Variants in KMT5A observed in about 807,000 individuals in gnomAD.
KMT5A encodes lysine methyltransferase 5A, also known as N-lysine methyltransferase KMT5A.
Under a neutral mutation model 40.6 loss-of-function variants are expected in KMT5A, and 6 were observed. The observed-to-expected ratio is 0.15, with a 90% confidence interval of 0.08 to 0.29. The LOEUF (loss-of-function observed/expected upper bound fraction) is 0.29, where lower values mean the gene tolerates loss of function less well. Ranked by LOEUF, KMT5A falls within the 10% of genes least tolerant of loss-of-function variation. KMT5A has a pLI of 1.00. For synonymous variants in KMT5A, 153 were observed against 178.8 expected (o/e 0.86, Z 1.15); for missense variants, 308 against 459.1 (o/e 0.67, Z 3.01).
intron 6 of KMT5A, 150 bp from the exon 7 acceptor site, chr12:123,404,734 T>G: frequency 1.4e-6 from 1 of 708,528 alleles, no homozygotes; most frequent in Non-Finnish European, 2.3e-6. Context: ...ATAAAACCCA[T>G]CAGCCTGTAC....
rs1011084200 is a variant in KMT5A at position 123,384,379 on chromosome 12, C to G, written c.10+171C>G. ...TGCTGCTGCGGAACCCGCCGGCCCC[C>G]CCTTGCGGCTCCAGATGCCCCCAGA... On this transcript the variant is annotated intron_variant, in intron 1 of 7. Transcript: ENST00000402868. This position sits in a 1 kb window ranked among gnomAD's most constrained non-coding sequence, Gnocchi z 5.7. Among the ~76,000 whole-genome samples, 1 of 152,168 alleles carries G rather than the reference C, an allele frequency of 6.6e-6. No individual in the cohort carries two copies. The highest frequency in any genetic ancestry group is 2.4e-5 in the African/African-American group (1 of 41,452).
intron 5 of KMT5A, among the ~76,000 whole-genome samples, chr12:123,400,287 G>C (rs983643822): frequency 2.0e-5 from 3 of 151,644 alleles, no homozygotes; most frequent in Admixed American, 1.3e-4. Context: ...CGCCCGCCTC[G>C]GCCTCCCAAA....
At chr12:123,404,127 T>G (rs549185937) in intron 6 of KMT5A, among the ~76,000 whole-genome samples, 4 of 152,190 alleles carry the variant, frequency 2.6e-5, no homozygotes, top group Non-Finnish European at 5.9e-5. Context: ...AGGGAAACTT[T>G]TAAAAGGAGA....
intron 5 of KMT5A, among the ~76,000 whole-genome samples, chr12:123,398,521 A>G (rs1217101147): frequency 6.6e-6 from 1 of 152,210 alleles, no homozygotes; most frequent in African/African-American, 2.4e-5. Flanking sequence ...GGTCTGCTAA[A>G]TCTTGCAGCA....
At chr12:123,396,319 T>C (rs757670866) in intron 4 of KMT5A, 26 bp from the exon 5 acceptor site, 57 of 1,610,170 alleles carry the variant, frequency 3.5e-5, no homozygotes, top group Middle Eastern at 2.2e-4. Flanking sequence ...CTGATATTTA[T>C]TTTCTCCTCT....
At position 123,395,115 on chromosome 12, in the gene KMT5A, A is replaced by G; in HGVS notation, c.358A>G (p.Arg120Gly). The change falls in exon 4 of 8, where the codon AGG becomes GGG. Residue 120 changes from arginine to glycine, a missense_variant. Physicochemically the swap from Arg to Gly is moderately radical, Grantham distance 125. Transcript: ENST00000402868. ...CGAGGAACAGAAGATCAAAGACGCCAGGAAAGGTCCCCTGGTACCTTTTCC... is the reference window on the plus strand; with the variant it reads ...CGAGGAACAGAAGATCAAAGACGCCGGGAAAGGTCCCCTGGTACCTTTTCC... The part of the protein sequence containing the change: ...KSEEQKIKDA[R>G]KGPLVPFPNQ... The G allele has an allele frequency of 1.2e-6, 2 of 1,604,992 alleles. No homozygotes were observed. The highest frequency in any genetic ancestry group is 1.3e-5 in the African/African-American group (1 of 74,862).
chr12:123,404,012 C>T (rs896192814), intron 6 of KMT5A, among the ~76,000 whole-genome samples: 1 of 152,134 alleles, frequency 6.6e-6, no homozygotes, highest in African/African-American at 2.4e-5. Context: ...CCCCACCTCT[C>T]CCCTGCCCAG....
chr12:123,392,887 T>G (rs1193245053), intron 3 of KMT5A, among the ~76,000 whole-genome samples: 1 of 151,816 alleles, frequency 6.6e-6, no homozygotes, highest in East Asian at 1.9e-4. Flanking sequence ...TTTTTGTTTG[T>G]TTTTTTTGAG....
intron 7 of KMT5A, among the ~76,000 whole-genome samples, 188 bp from the exon 8 acceptor site, chr12:123,407,305 C>G (rs78124268): frequency 0.046 from 7,011 of 152,206 alleles, 300 homozygotes; most frequent in East Asian, 0.25. Context: ...TGCCACTGCA[C>G]TCCAGCCTGG....
intron 5 of KMT5A, among the ~76,000 whole-genome samples, chr12:123,397,839 TA>T (rs1281964949): frequency 2.9e-4 from 4 of 13,796 alleles, no homozygotes; most frequent in Admixed American, 6.4e-4. Context: ...GCTAATTTTG[TA>T]TTTTTTTTTT....
chr12:123,400,235 C>T (rs1417608860), intron 5 of KMT5A, among the ~76,000 whole-genome samples: 2 of 144,088 alleles, frequency 1.4e-5, no homozygotes, highest in Admixed American at 7.1e-5. Flanking sequence ...CGGGGTTTCA[C>T]CGTGTTAGCC....
chr12:123,389,860 G>C lies in KMT5A; in HGVS notation c.132+306G>C, dbSNP rs191388726. Among the ~76,000 whole-genome samples, 461 of 152,194 alleles carry C rather than the reference G, an allele frequency of 3.0e-3. 3 individuals carry two copies. The highest frequency in any genetic ancestry group is 9.8e-3 in the African/African-American group (406 of 41,542). ...AGAGGTCACGGGTCTCACCGCCTCG[G>C]TGTTGAATGGTCCCCGAGGCGGCGA... is the stretch of plus-strand genomic sequence containing the variant. On this transcript the variant is annotated intron_variant, in intron 2 of 7. Coordinates refer to ENST00000402868, the MANE Select transcript of KMT5A (RefSeq NM_020382.7).
intron 7 of KMT5A, 95 bp from the exon 8 acceptor site, chr12:123,407,398 C>A: frequency 8.5e-7 from 1 of 1,177,370 alleles, no homozygotes; most frequent in Non-Finnish European, 1.2e-6. Flanking sequence ...GGCTTTAAAT[C>A]AGCATCCCAC....
chr12:123,404,546 T>C (rs1878398694), intron 6 of KMT5A, among the ~76,000 whole-genome samples: 1 of 152,206 alleles, frequency 6.6e-6, no homozygotes, highest in South Asian at 2.1e-4. Context: ...GACACGTGGT[T>C]GTGCCTCTTT....
rs1878671310 is a variant in KMT5A, at chr12:123,407,815, G to T, written c.*112G>T. On this transcript the variant is annotated 3_prime_UTR_variant, in exon 8 of 8. Transcript: ENST00000402868. Reference sequence around the variant, plus strand: ...CACTTAATCTTAGCGGATTACTTCAGATGTTTTTAAAAAGTATATTAAGAT... The same window carrying T: ...CACTTAATCTTAGCGGATTACTTCATATGTTTTTAAAAAGTATATTAAGAT... The T allele has an allele frequency of 4.4e-6, 3 of 684,912 alleles. No individual in the cohort carries two copies. Among genetic ancestry groups the T allele is most frequent in the Non-Finnish European group, 7.5e-6 (3 of 400,880 alleles). The allele number at this position is 684,912 out of a possible 1,614,324, so 42.4% of individuals were successfully genotyped here. A position where few individuals can be genotyped will look rare whatever the true frequency, so the allele number is the denominator to read the frequency against.
chr12:123,401,439 T>C (rs1593471257), intron 5 of KMT5A, among the ~76,000 whole-genome samples: 1 of 129,454 alleles, frequency 7.7e-6, no homozygotes, highest in Non-Finnish European at 1.7e-5. Flanking sequence ...TATATCTTTC[T>C]TTTTTTTTTA....
rs746515443 is a variant in KMT5A, at chr12:123,395,124, C to T, written c.367C>T (p.Pro123Ser). The change falls in exon 4 of 8, where the codon CCC becomes TCC. Residue 123 changes from proline (P) to serine (S), a missense_variant. Coordinates refer to ENST00000402868, the MANE Select transcript of KMT5A (RefSeq NM_020382.7). Reference protein sequence around the residue: ...EQKIKDARKGPLVPFPNQKSE... With the variant: ...EQKIKDARKGSLVPFPNQKSE... ...GAAGATCAAAGACGCCAGGAAAGGTCCCCTGGTACCTTTTCCAAACCAAAA... is the reference window on the plus strand; with the variant it reads ...GAAGATCAAAGACGCCAGGAAAGGTTCCCTGGTACCTTTTCCAAACCAAAA... 2 of 1,606,604 alleles carry T rather than the reference C, an allele frequency of 1.2e-6. No individual in the cohort carries two copies. Among genetic ancestry groups the T allele is most frequent in the East Asian group, 4.5e-5 (2 of 44,720 alleles).
intron 1 of KMT5A, chr12:123,388,948 CTGCGAGCGGGCGGG>C (rs1270772040): frequency 1.4e-5 from 2 of 141,100 alleles, no homozygotes; most frequent in Non-Finnish European, 3.1e-5. Flanking sequence ...CGGTGGGCGG[CTGCGAGCGGGCGGG>C]AGGGCTGCGG....
intron 1 of KMT5A, among the ~76,000 whole-genome samples, chr12:123,385,338 T>G (rs1876809404): frequency 6.6e-6 from 1 of 152,108 alleles, no homozygotes; most frequent in Admixed American, 6.6e-5. Flanking sequence ...TTGGAGAAAA[T>G]TAATACTAAT....
Sources: gnomAD v4.1 joint callset for allele counts (sites outside exome capture counted in the v4.1 genomes callset) on GRCh38, gnomAD v4.1.1 for gene constraint, Gnocchi (gnomAD v3.1) non-coding constraint, MANE v1.5 for transcripts, NCBI Gene and HGNC (gene_info 2026-07-23, HGNC 2026-07-21) for gene names.